The following GRID2 variants were observed in gnomAD, a reference collection of about 807,000 sequenced individuals.
GRID2 encodes the protein glutamate receptor ionotropic, delta-2.
GRID2 carries 33 observed loss-of-function variants against 114.8 expected under a neutral mutation model. That is an observed-to-expected ratio of 0.29 (90% CI 0.22 to 0.38). The LOEUF (loss-of-function observed/expected upper bound fraction) is 0.38, where lower values mean the gene tolerates loss of function less well. Ranked by LOEUF, GRID2 falls within the 10% of genes least tolerant of loss-of-function variation. The pLI, the probability that GRID2 is intolerant of heterozygous loss-of-function variation, is 1.00. For missense variants in GRID2, 1,184 were observed against 1,257.7 expected, an observed-to-expected ratio of 0.94 and a Z score of 0.89; for synonymous variants, 505 against 449.9, an observed-to-expected ratio of 1.12 and a Z score of -1.55.
At chr4:92,371,409 G>C (rs1729110523) in intron 1 of GRID2, among the ~76,000 whole-genome samples, 1 of 152,106 alleles carries the variant, frequency 6.6e-6, no homozygotes, top group Non-Finnish European at 1.5e-5. Context: ...AGGGGCAAAG[G>C]TAGCTGGTAA....
chr4:93,497,956 C>A (rs1727709701), intron 12 of GRID2, among the ~76,000 whole-genome samples: 1 of 151,794 alleles, frequency 6.6e-6, no homozygotes, highest in African/African-American at 2.4e-5. Flanking sequence ...GATCTGTAAA[C>A]ATATGTCTCC....
intron 14 of GRID2, among the ~76,000 whole-genome samples, chr4:93,685,752 A>G (rs1185422141): frequency 1.3e-5 from 2 of 152,028 alleles, no homozygotes; most frequent in Non-Finnish European, 2.9e-5. Context: ...ACTTATATCC[A>G]TGTGATAAGG....
chr4:92,506,268 G>A (rs1317151302), intron 1 of GRID2, among the ~76,000 whole-genome samples: 2 of 151,924 alleles, frequency 1.3e-5, no homozygotes, highest in Non-Finnish European at 2.9e-5. Context: ...ATGATTCTGT[G>A]ATAAATGAGT....
intron 1 of GRID2, among the ~76,000 whole-genome samples, chr4:92,330,224 G>T (rs913992699): frequency 6.6e-6 from 1 of 151,912 alleles, no homozygotes; most frequent in Non-Finnish European, 1.5e-5. Context: ...TTTTTAATAC[G>T]AATATATTCT....
intron 8 of GRID2, among the ~76,000 whole-genome samples, chr4:93,360,890 A>G (rs1424202732): frequency 2.6e-5 from 4 of 151,290 alleles, no homozygotes; most frequent in African/African-American, 7.3e-5. Context: ...CTCTTTGTCT[A>G]TATTTCTTTG....
intron 9 of GRID2, among the ~76,000 whole-genome samples, chr4:93,417,491 A>T (rs1767837889): frequency 6.6e-6 from 1 of 152,044 alleles, no homozygotes; most frequent in Non-Finnish European, 1.5e-5. Flanking sequence ...CATCCAGAAA[A>T]CACTACTCAG....
intron 10 of GRID2, among the ~76,000 whole-genome samples, chr4:93,444,400 C>G (rs1478727138): frequency 6.6e-6 from 1 of 151,916 alleles, no homozygotes; most frequent in Non-Finnish European, 1.5e-5. Context: ...AGCAATAAGG[C>G]TTATCACACA....
At chr4:93,180,433 G>A (rs1739780609) in intron 4 of GRID2, among the ~76,000 whole-genome samples, 1 of 152,124 alleles carries the variant, frequency 6.6e-6, no homozygotes, top group Non-Finnish European at 1.5e-5. Context: ...ATTGATGACT[G>A]CTGACTGATC....
chr4:93,140,163 T>TTC (rs1236908378), intron 4 of GRID2, among the ~76,000 whole-genome samples: 28 of 145,550 alleles, frequency 1.9e-4, no homozygotes, highest in Admixed American at 4.1e-4. Context: ...TTCTTTTCTT[T>TTC]TTTTTTTTTT....
At chr4:92,405,395 C>T (rs1031443170) in intron 1 of GRID2, among the ~76,000 whole-genome samples, 17 of 151,960 alleles carry the variant, frequency 1.1e-4, no homozygotes, top group African/African-American at 2.7e-4. Context: ...ATTCTATTAG[C>T]GGGGACAGAC....
At chr4:93,770,200 T>C (rs180941070) in intron 15 of GRID2, among the ~76,000 whole-genome samples, 98 of 152,348 alleles carry the variant, frequency 6.4e-4, no homozygotes, top group African/African-American at 2.3e-3. Context: ...CTTATTTCCA[T>C]TGGACTAAAG....
At chr4:93,677,569 C>T (rs913959273) in intron 14 of GRID2, among the ~76,000 whole-genome samples, 2 of 152,086 alleles carry the variant, frequency 1.3e-5, no homozygotes, top group Non-Finnish European at 1.5e-5. Context: ...GCCGGGCACT[C>T]CTCTGAGACA....
At chr4:92,975,407 A>AAG (rs765200931) in intron 2 of GRID2, among the ~76,000 whole-genome samples, 1 of 152,044 alleles carries the variant, frequency 6.6e-6, no homozygotes, top group Admixed American at 6.6e-5. Context: ...AACAGGCTTG[A>AAG]AGAGAGAGTT....
intron 4 of GRID2, among the ~76,000 whole-genome samples, chr4:93,113,302 A>G (rs887047915): frequency 4.6e-5 from 7 of 152,204 alleles, no homozygotes; most frequent in Non-Finnish European, 7.3e-5. Flanking sequence ...CTTGTTTTGT[A>G]GATAAGAAAA....
chr4:92,694,927 A>G (rs552530055), intron 2 of GRID2, among the ~76,000 whole-genome samples: 2 of 152,100 alleles, frequency 1.3e-5, no homozygotes, highest in Non-Finnish European at 2.9e-5. Context: ...AGCTGACTAA[A>G]TGCTTTGATA....
chr4:93,645,107 T>C (rs138045201), intron 14 of GRID2, among the ~76,000 whole-genome samples: 3 of 152,280 alleles, frequency 2.0e-5, no homozygotes, highest in African/African-American at 7.2e-5. Flanking sequence ...GTCAAAGGCC[T>C]GACCTGGAGT....
intron 14 of GRID2, among the ~76,000 whole-genome samples, chr4:93,722,516 C>G (rs777480327): frequency 1.8e-4 from 28 of 152,322 alleles, no homozygotes; most frequent in South Asian, 4.1e-4. Flanking sequence ...ACTCTTCACA[C>G]CTTCTAATCT....
chr4:93,747,408 C>G (rs537683434), intron 14 of GRID2, among the ~76,000 whole-genome samples: 5 of 152,240 alleles, frequency 3.3e-5, no homozygotes, highest in African/African-American at 1.2e-4. Context: ...GTGTGATTAT[C>G]TAACAAATGC....
At chr4:93,125,601 C>A (rs573520096) in intron 4 of GRID2, among the ~76,000 whole-genome samples, 1 of 152,164 alleles carries the variant, frequency 6.6e-6, no homozygotes, top group Admixed American at 6.5e-5. Context: ...AGTAAATTGC[C>A]ATTTAAAATT....
Sources: gnomAD v4.1 joint callset for allele counts (sites outside exome capture counted in the v4.1 genomes callset) on GRCh38, gnomAD v4.1.1 for gene constraint, MANE v1.5 for transcripts, NCBI Gene and HGNC (gene_info 2026-07-23, HGNC 2026-07-21) for gene names.